The following SCAF11 variants were observed in gnomAD, a reference collection of about 807,000 sequenced individuals.
SCAF11 encodes the protein protein SCAF11.
SCAF11 carries 47 observed loss-of-function variants against 140.5 expected under a neutral mutation model. The ratio of observed to expected loss-of-function variants is 0.33; its 90% confidence interval spans 0.26 to 0.43. SCAF11 has a LOEUF of 0.43. SCAF11 is among the 20% of genes least tolerant of loss of function. The pLI is 1.00. For missense variants in SCAF11, 1,645 were observed against 1,705.1 expected, an observed-to-expected ratio of 0.96 and a Z score of 0.62; for synonymous variants, 557 against 579.4, an observed-to-expected ratio of 0.96 and a Z score of 0.55.
intron 3 of SCAF11, chr12:45,961,464 A>C (rs1021091522): frequency 3.4e-6 from 2 of 595,142 alleles, no homozygotes; most frequent in African/African-American, 3.7e-5. Flanking sequence ...TTCTTCCTAT[A>C]AGGTTATTAA....
chr12:45,961,472 TAA>T (rs1240956186), intron 3 of SCAF11: 1 of 581,436 alleles, frequency 1.7e-6, no homozygotes, highest in East Asian at 2.8e-5. Context: ...ATAAGGTTAT[TAA>T]CTTTTTTTAA....
chr12:45,951,841 AAT>A (rs1252274297), intron 3 of SCAF11, 114 bp from the exon 4 acceptor site: 1 of 666,254 alleles, frequency 1.5e-6, no homozygotes. Flanking sequence ...GAAAGAAAAA[AAT>A]ATTTTTATAC....
chr12:45,981,121 TC>T (rs1289890461), intron 1 of SCAF11, among the ~76,000 whole-genome samples: 1 of 152,210 alleles, frequency 6.6e-6, no homozygotes, highest in Non-Finnish European at 1.5e-5. Context: ...ATTCGGATTA[TC>T]ACCTAAATGT....
chr12:45,934,108 C>G (rs1201690127), intron 8 of SCAF11, 68 bp downstream of exon 8: 1 of 877,960 alleles, frequency 1.1e-6, no homozygotes, highest in Non-Finnish European at 1.6e-6. Flanking sequence ...GTTTAAATTT[C>G]TAGCAAAAGT....
In SCAF11 at chr12:45,926,597, C is replaced by T; in HGVS notation, c.3104G>A (p.Arg1035Lys). The T allele has an allele frequency of 1.9e-6, 3 of 1,613,584 alleles. No individual in the cohort carries two copies. Among genetic ancestry groups the T allele is most frequent in the Non-Finnish European group, 1.7e-6 (2 of 1,179,908 alleles). Residue 1035 changes from arginine to lysine, a missense_variant, in exon 11 of 15, where the codon AGA becomes AAA. Physicochemically the swap from Arg to Lys is conservative, Grantham distance 26. Coordinates refer to ENST00000369367, the MANE Select transcript of SCAF11 (RefSeq NM_004719.3). ...TTTCAACTTTTCTGGATTTCTGGTT[C>T]TTGGATCAGGCCCAGAGTTTATTTT... ...TEKINSGPDP[R>K]TRNPEKLKES...
intron 6 of SCAF11, among the ~76,000 whole-genome samples, chr12:45,937,014 A>C (rs1392386119): frequency 2.6e-5 from 4 of 152,018 alleles, no homozygotes; most frequent in Non-Finnish European, 4.4e-5. Context: ...TGTCATCCTC[A>C]GACTTCTAGA....
chr12:45,974,226 G>C (rs115573477), intron 1 of SCAF11: 2 of 470,762 alleles, frequency 4.2e-6, no homozygotes, highest in Non-Finnish European at 8.8e-6. Context: ...TCTCAGCAAG[G>C]CTTCAGCAAG....
chr12:45,984,934 A>T (rs575187512), intron 1 of SCAF11, among the ~76,000 whole-genome samples: 1 of 152,252 alleles, frequency 6.6e-6, no homozygotes, highest in South Asian at 2.1e-4. Context: ...ACCTCAAGTG[A>T]TCCACCTGCC....
chr12:45,931,558 A>G lies in SCAF11; in HGVS notation c.789T>C (p.Ser263=). 1 of 1,528,330 alleles carries G rather than the reference A, an allele frequency of 6.5e-7. No individual in the cohort carries two copies. The highest frequency in any genetic ancestry group is 2.5e-5 in the East Asian group (1 of 39,602). The allele number at this position is 1,528,330 out of a possible 1,614,324, so 94.7% of individuals were successfully genotyped here. ...VETEVLPLIS[S]VLPRTIFPTS... The stretch of plus-strand genomic sequence containing the variant: ...TTGGAAAAATAGTTCTTGGCAACAC[A>G]GAAGAAATGAGAGGAAGGACTTCTG... The change falls in exon 10 of 15, where the codon TCT becomes TCC. Residue 263 remains serine, a synonymous_variant. Transcript: ENST00000369367.
intron 3 of SCAF11, chr12:45,955,130 A>G (rs1211429967): frequency 6.6e-6 from 1 of 152,116 alleles, no homozygotes. Flanking sequence ...ACACCAAAAA[A>G]TAAGTTAATT....
chr12:45,981,590 A>G (rs1270827055), intron 1 of SCAF11, among the ~76,000 whole-genome samples: 1 of 152,158 alleles, frequency 6.6e-6, no homozygotes, highest in African/African-American at 2.4e-5. Context: ...TCCCCAAGTT[A>G]TTCTAGTTAC....
At position 45,958,472 on chromosome 12, in the gene SCAF11, T is replaced by C. The variant is rs569724833; in HGVS notation, c.219+3228A>G. ...TATATACATTTCATCAGTTCAAATG[T>C]CTTTGATTAATTTTAGATTGTTGGA... On this transcript the variant is annotated intron_variant, in intron 3 of 14. Transcript: ENST00000369367. Among the ~76,000 whole-genome samples the C allele has an allele frequency of 1.9e-4, 29 of 152,354 alleles. No homozygotes were observed. The South Asian group carries it at 3.7e-3, about 20-fold the overall frequency.
intron 6 of SCAF11, among the ~76,000 whole-genome samples, chr12:45,942,691 C>T (rs1447540819): frequency 6.6e-6 from 1 of 152,204 alleles, no homozygotes; most frequent in East Asian, 1.9e-4. Flanking sequence ...CATGGCTTAA[C>T]TTCTTACTTC....
At chr12:45,925,804 C>G (rs902489761) in intron 11 of SCAF11, among the ~76,000 whole-genome samples, 1 of 151,806 alleles carries the variant, frequency 6.6e-6, no homozygotes, top group Non-Finnish European at 1.5e-5. Context: ...TGTATGAGAA[C>G]AATTATCAAA....
intron 6 of SCAF11, among the ~76,000 whole-genome samples, chr12:45,937,293 A>G (rs1945193215): frequency 6.6e-6 from 1 of 152,074 alleles, no homozygotes; most frequent in East Asian, 1.9e-4. Context: ...TTTTGCTGTA[A>G]TATTTTTAAC....
At chr12:45,959,199 C>T (rs1945766702) in intron 3 of SCAF11, among the ~76,000 whole-genome samples, 1 of 151,400 alleles carries the variant, frequency 6.6e-6, no homozygotes, top group African/African-American at 2.4e-5. Context: ...GCCTGGGAGG[C>T]AGAAGTTGCA....
chr12:45,944,724 A>AC (rs1389582251), intron 6 of SCAF11, among the ~76,000 whole-genome samples: 1 of 152,220 alleles, frequency 6.6e-6, no homozygotes. Flanking sequence ...AAAATCATGT[A>AC]CCAGACAAAA....
chr12:45,931,836 T>C (rs966669525), intron 9 of SCAF11, among the ~76,000 whole-genome samples: 2 of 152,146 alleles, frequency 1.3e-5, no homozygotes, highest in African/African-American at 4.8e-5. Flanking sequence ...GTTTTTCTGA[T>C]AAATTCATGG....
chr12:45,951,817 TTATCTC>T, intron 3 of SCAF11, 90 bp from the exon 4 acceptor site: 1 of 854,538 alleles, frequency 1.2e-6, no homozygotes, highest in Non-Finnish European at 1.8e-6. Context: ...AAAATTATTT[TTATCTC>T]TATCTTCGAA....
Sources: gnomAD v4.1 joint callset for allele counts (sites outside exome capture counted in the v4.1 genomes callset) on GRCh38, gnomAD v4.1.1 for gene constraint, MANE v1.5 for transcripts, NCBI Gene and HGNC (gene_info 2026-07-23, HGNC 2026-07-21) for gene names.